Variants in ITGA4 observed in about 807,000 individuals in gnomAD.
ITGA4 encodes integrin subunit alpha 4.
Under a neutral mutation model 133.6 loss-of-function variants are expected in ITGA4, and 63 were observed. The ratio of observed to expected loss-of-function variants is 0.47; its 90% CI spans 0.38 to 0.58. The LOEUF (loss-of-function observed/expected upper bound fraction) is 0.58. ITGA4 is among the 20% of genes least tolerant of loss of function. The pLI, the probability that ITGA4 is intolerant of heterozygous loss-of-function variation, is 0.00. For synonymous variants in ITGA4, 483 were observed against 438.0 expected, an observed-to-expected ratio of 1.10 and a Z score of -1.28; for missense variants, 1,076 against 1,252.7, an observed-to-expected ratio of 0.86 and a Z score of 2.13.
At chr2:181,469,952 T>A (rs1685507110) in intron 2 of ITGA4, among the ~76,000 whole-genome samples, 6 of 151,948 alleles carry the variant, frequency 3.9e-5, no homozygotes, top group Admixed American at 3.9e-4. Flanking sequence ...CATTAGGAGA[T>A]ATACCTAATG....
intron 10 of ITGA4, among the ~76,000 whole-genome samples, chr2:181,490,623 G>A (rs1686032563): frequency 6.6e-6 from 1 of 151,986 alleles, no homozygotes; most frequent in South Asian, 2.1e-4. Context: ...TGAGTCTATA[G>A]AGCATGGGAA....
intron 23 of ITGA4, among the ~76,000 whole-genome samples, 193 bp downstream of exon 23, chr2:181,529,841 T>C (rs934394358): frequency 1.3e-5 from 2 of 152,342 alleles, no homozygotes; most frequent in East Asian, 1.9e-4. Context: ...TTTAGAACTA[T>C]AGAGTTACAG....
chr2:181,483,064 A>C (rs1685842102), intron 9 of ITGA4, among the ~76,000 whole-genome samples: 1 of 152,212 alleles, frequency 6.6e-6, no homozygotes, highest in Non-Finnish European at 1.5e-5. Context: ...TGAAGAATTA[A>C]GTATTTTCAA....
At chr2:181,531,351 G>A (rs986743261) in intron 24 of ITGA4, among the ~76,000 whole-genome samples, 2 of 152,002 alleles carry the variant, frequency 1.3e-5, no homozygotes, top group African/African-American at 4.8e-5. Context: ...CAAAGAATAC[G>A]TAACTTAGCA....
chr2:181,506,871 C>T (rs1190075487), intron 15 of ITGA4, among the ~76,000 whole-genome samples: 1 of 152,068 alleles, frequency 6.6e-6, no homozygotes, highest in Non-Finnish European at 1.5e-5. Context: ...GGTCCACTGA[C>T]ATTACTTAGT....
At chr2:181,532,654 C>A (rs548651486) in intron 25 of ITGA4, among the ~76,000 whole-genome samples, 118 of 152,190 alleles carry the variant, frequency 7.8e-4, no homozygotes, top group Non-Finnish European at 6.2e-4. Flanking sequence ...GGGGCTGAGA[C>A]CATGGAGTTT....
chr2:181,533,255 G>A (rs1347538396), intron 25 of ITGA4, among the ~76,000 whole-genome samples: 1 of 152,178 alleles, frequency 6.6e-6, no homozygotes, highest in East Asian at 1.9e-4. Context: ...GGAAATGGCA[G>A]CTGTTATGTT....
intron 15 of ITGA4, among the ~76,000 whole-genome samples, chr2:181,499,125 G>C (rs576464802): frequency 2.6e-5 from 4 of 152,038 alleles, no homozygotes; most frequent in Non-Finnish European, 5.9e-5. Context: ...TCCGTGGTAC[G>C]TTTTTTGGGG....
rs1235006189 is a variant in ITGA4 at position 181,475,273 on chromosome 2, G to A, written c.541G>A (p.Ala181Thr). 1 of 1,612,850 alleles carries A rather than the reference G, an allele frequency of 6.2e-7. No individual in the cohort carries two copies. Among genetic ancestry groups the A allele is most frequent in the Admixed American group, 1.7e-5 (1 of 60,006 alleles). The change falls in exon 4 of 28, where the codon GCT becomes ACT. Residue 181 changes from alanine (A) to threonine (T), a missense_variant. Physicochemically the swap from Ala to Thr is moderately conservative, Grantham distance 58 (BLOSUM62 0). Around this residue, in one of 4 missense-constraint regions of ITGA4, gnomAD observed 436 missense variants for 590.7 expected, o/e 0.74. Coordinates refer to ENST00000397033, the MANE Select transcript of ITGA4 (RefSeq NM_000885.6). ...ACGAACAGAACTGAGTAAAAGAATA[G>A]CTCCGTGTTATCAAGGTAAGGCATG... Reference protein sequence around the residue: ...DLRTELSKRIAPCYQDYVKKF... With the variant: ...DLRTELSKRITPCYQDYVKKF...
chr2:181,537,170 G>A lies in ITGA4; in HGVS notation c.*1643G>A, dbSNP rs1239276675. On this transcript the variant is annotated 3_prime_UTR_variant, in exon 28 of 28. Coordinates refer to ENST00000397033, the MANE Select transcript of ITGA4 (RefSeq NM_000885.6). ...AAAAAGGCTAGTCATTCTTTCAGGAGAACATCTAGGATCATAGATGAAAAA... is the reference window on the plus strand; with the variant it reads ...AAAAAGGCTAGTCATTCTTTCAGGAAAACATCTAGGATCATAGATGAAAAA... 2.2e-6 allele frequency: 1 copy of A among 453,858 alleles called. No homozygotes were observed. Among genetic ancestry groups the A allele is most frequent in the Non-Finnish European group, 4.4e-6 (1 of 226,656 alleles). The allele number at this position is 453,858 out of a possible 1,614,324, so 28.1% of individuals were successfully genotyped here.
Position 181,527,165 on chromosome 2 carries a change from A to T in ITGA4, c.2340-132A>T, listed in dbSNP as rs990531937. 24 of 551,890 alleles carry T rather than the reference A, an allele frequency of 4.3e-5. No homozygotes were observed. The African/African-American group carries it at 4.4e-4, about 10-fold the overall frequency. 34.2% of individuals were successfully genotyped at this position (551,890 alleles called of 1,614,324 possible). ...TTTAATTTCTTTTTAAATAAAATGT[A>T]TATCTGACCACAAAACCAAAAGTAT... On this transcript the variant is annotated intron_variant, in intron 21 of 27. Coordinates refer to ENST00000397033, the MANE Select transcript of ITGA4 (RefSeq NM_000885.6).
chr2:181,484,196 C>T (rs1329976691), intron 9 of ITGA4, among the ~76,000 whole-genome samples: 1 of 152,076 alleles, frequency 6.6e-6, no homozygotes, highest in East Asian at 1.9e-4. Context: ...TCTTGTTTAC[C>T]GTGGTTTCAT....
At chr2:181,480,368 G>A (rs1343492093) in intron 6 of ITGA4, 102 bp downstream of exon 6, 2 of 602,970 alleles carry the variant, frequency 3.3e-6, no homozygotes, top group Non-Finnish European at 5.3e-6. Context: ...TAAATGGCCA[G>A]TATAATTACA....
At chr2:181,520,428 G>A in intron 17 of ITGA4, among the ~76,000 whole-genome samples, 1 of 151,912 alleles carries the variant, frequency 6.6e-6, no homozygotes, top group Non-Finnish European at 1.5e-5. Context: ...TAAGGAGTTG[G>A]AACTCTTATC....
At chr2:181,485,526 C>T (rs2105736325) in intron 9 of ITGA4, among the ~76,000 whole-genome samples, 1 of 152,266 alleles carries the variant, frequency 6.6e-6, no homozygotes, top group East Asian at 1.9e-4. Flanking sequence ...TTTGTGCACA[C>T]ACTGCCTTGC....
chr2:181,478,469 A>G (rs1028805172), intron 4 of ITGA4, among the ~76,000 whole-genome samples: 1 of 152,006 alleles, frequency 6.6e-6, no homozygotes, highest in Non-Finnish European at 1.5e-5. Flanking sequence ...GCATGGGCTC[A>G]AAATCACAAA....
chr2:181,519,613 C>A (rs930561487), intron 17 of ITGA4, among the ~76,000 whole-genome samples: 1 of 152,036 alleles, frequency 6.6e-6, no homozygotes, highest in African/African-American at 2.4e-5. Context: ...AAAACCGTAC[C>A]ACATTTCCAG....
At chr2:181,493,065 C>T in intron 10 of ITGA4, 1 of 315,814 alleles carries the variant, frequency 3.2e-6, no homozygotes, top group Non-Finnish European at 5.8e-6. Context: ...AGTGGTCTGG[C>T]TGTAGAGCCC....
intron 17 of ITGA4, among the ~76,000 whole-genome samples, chr2:181,515,571 T>C (rs902928504): frequency 6.6e-6 from 1 of 152,082 alleles, no homozygotes; most frequent in Non-Finnish European, 1.5e-5. Flanking sequence ...TGAAGTGGCA[T>C]GAATGTCCAT....
Sources: gnomAD v4.1 joint callset for allele counts (sites outside exome capture counted in the v4.1 genomes callset) on GRCh38, gnomAD v4.1.1 for gene constraint, gnomAD v4.1.1 regional missense constraint, MANE v1.5 for transcripts, NCBI Gene and HGNC (gene_info 2026-07-23, HGNC 2026-07-21) for gene names.